Variants in ARID5B observed in about 807,000 individuals in gnomAD.
The protein encoded by ARID5B is AT-rich interaction domain 5B, also known as AT-rich interactive domain-containing protein 5B.
A neutral mutation model predicts 97.2 loss-of-function variants in ARID5B; 13 were observed. The ratio of observed to expected loss-of-function variants is 0.13; its 90% confidence interval spans 0.09 to 0.21. ARID5B has a LOEUF of 0.21. Among genes scored for constraint, ARID5B ranks in the 10% least tolerant of loss-of-function variants. ARID5B has a pLI of 1.00. For synonymous variants in ARID5B, 556 were observed against 570.3 expected (o/e 0.97, Z 0.36); for missense variants, 1,210 against 1,465.3 (o/e 0.83, Z 2.84).
chr10:62,056,454 G>T (rs561024401), intron 5 of ARID5B, among the ~76,000 whole-genome samples: 10 of 152,282 alleles, frequency 6.6e-5, no homozygotes, highest in African/African-American at 2.4e-4. Flanking sequence ...TGCTGGTATT[G>T]CTGATGCCAG....
intron 7 of ARID5B, among the ~76,000 whole-genome samples, chr10:62,059,622 C>G (rs1839897901): frequency 6.6e-6 from 1 of 152,154 alleles, no homozygotes; most frequent in African/African-American, 2.4e-5. Context: ...AGAAATTTCC[C>G]TTGGCAACAT....
chr10:61,998,861 T>G (rs988442217), intron 3 of ARID5B, among the ~76,000 whole-genome samples: 5 of 152,204 alleles, frequency 3.3e-5, no homozygotes, highest in Non-Finnish European at 7.3e-5. Context: ...GACCCCCAAA[T>G]CACCACTGCT....
intron 3 of ARID5B, among the ~76,000 whole-genome samples, chr10:61,954,484 T>G (rs1035305236): frequency 6.6e-6 from 1 of 152,216 alleles, no homozygotes; most frequent in Non-Finnish European, 1.5e-5. Context: ...TCTTAGATCA[T>G]GATTAACAGC....
rs558974041 is a variant in ARID5B at position 61,944,941 on chromosome 10, A to G, written c.502+4533A>G. Among the ~76,000 whole-genome samples the G allele has an allele frequency of 1.2e-4, 19 of 152,350 alleles. No homozygotes were observed. In the South Asian group the frequency reaches 3.9e-3, roughly 32 times the overall value. On this transcript the variant is annotated intron_variant, in intron 3 of 9. Coordinates refer to ENST00000279873, the MANE Select transcript of ARID5B (RefSeq NM_032199.3). ...TGTGGGGGTCTGGCTGAATTTAATGATGGGGGTTCCCTCAGTTCAATTTCT... is the reference window on the plus strand; with the variant it reads ...TGTGGGGGTCTGGCTGAATTTAATGGTGGGGGTTCCCTCAGTTCAATTTCT...
chr10:62,080,782 A>G (rs573200509), intron 8 of ARID5B, among the ~76,000 whole-genome samples: 2 of 151,956 alleles, frequency 1.3e-5, no homozygotes, highest in Non-Finnish European at 2.9e-5. Flanking sequence ...TTTCGTTGTT[A>G]CTACAAAAAA....
chr10:62,047,484 C>CA (rs1839725504), intron 4 of ARID5B, among the ~76,000 whole-genome samples: 1 of 152,136 alleles, frequency 6.6e-6, no homozygotes, highest in Admixed American at 6.5e-5. Flanking sequence ...GATATGCTAT[C>CA]AGTAAGGGTA....
At chr10:61,992,578 T>C (rs745719179) in intron 3 of ARID5B, among the ~76,000 whole-genome samples, 6 of 152,236 alleles carry the variant, frequency 3.9e-5, no homozygotes, top group Non-Finnish European at 8.8e-5. Context: ...TTTGCATCCA[T>C]GTACTGATAT....
intron 3 of ARID5B, among the ~76,000 whole-genome samples, chr10:61,970,900 T>A (rs1336517697): frequency 1.3e-5 from 2 of 152,160 alleles, no homozygotes; most frequent in Non-Finnish European, 2.9e-5. Context: ...TCAACAAAAG[T>A]AATTGTTTCC....
chr10:62,067,108 G>A (rs192984733), intron 7 of ARID5B, among the ~76,000 whole-genome samples: 65 of 150,808 alleles, frequency 4.3e-4, no homozygotes, highest in African/African-American at 1.4e-3. Flanking sequence ...TTTTTGAGAC[G>A]GAGTTTTGCT....
chr10:62,012,001 G>A (rs1839223944), intron 4 of ARID5B, among the ~76,000 whole-genome samples: 1 of 145,960 alleles, frequency 6.9e-6, no homozygotes, highest in Non-Finnish European at 1.5e-5. Context: ...ATTTCAAGGA[G>A]GGGAAAAAAA....
rs1379351906 is a variant in ARID5B at position 62,092,452 on chromosome 10, C to T, written c.2989C>T (p.Leu997=). ...GATGGAAGGCATGGTCCACCCAATCCTGCACCGGAAAATGAGCCCGCAGAA... is the reference window on the plus strand; with the variant it reads ...GATGGAAGGCATGGTCCACCCAATCTTGCACCGGAAAATGAGCCCGCAGAA... ...RKMEGMVHPI[L]HRKMSPQNIG... Residue 997 remains leucine (L), a synonymous_variant, in exon 10 of 10, where the codon CTG becomes TTG. Coordinates refer to ENST00000279873, the MANE Select transcript of ARID5B (RefSeq NM_032199.3). 1 of 1,614,220 alleles carries T rather than the reference C, an allele frequency of 6.2e-7. No individual in the cohort carries two copies. The highest frequency in any genetic ancestry group is 2.2e-5 in the East Asian group (1 of 44,888).
chr10:62,035,934 C>A (rs1420492699), intron 4 of ARID5B, among the ~76,000 whole-genome samples: 3 of 152,198 alleles, frequency 2.0e-5, no homozygotes, highest in East Asian at 1.9e-4. Context: ...AAGCAATTCT[C>A]CTGCCTCAGC....
At chr10:61,978,238 T>G (rs1420485591) in intron 3 of ARID5B, among the ~76,000 whole-genome samples, 9 of 152,366 alleles carry the variant, frequency 5.9e-5, no homozygotes, top group Middle Eastern at 3.4e-3. Flanking sequence ...TTGGTACCAG[T>G]ACCATGCTGT....
chr10:61,904,165 A>G (rs546243266), intron 2 of ARID5B, among the ~76,000 whole-genome samples: 70 of 150,676 alleles, frequency 4.6e-4, no homozygotes, highest in Admixed American at 3.6e-3. Context: ...TGTGATCTGG[A>G]AAAGGGAAGG....
chr10:62,055,857 C>G (rs549331925), intron 5 of ARID5B, among the ~76,000 whole-genome samples: 1 of 146,912 alleles, frequency 6.8e-6, no homozygotes, highest in South Asian at 2.2e-4. Context: ...CTTTTATGTT[C>G]TTAATGCTTA....
chr10:62,051,028 T>G, intron 5 of ARID5B, 28 bp downstream of exon 5: 168 of 1,563,954 alleles, frequency 1.1e-4, no homozygotes, highest in Non-Finnish European at 1.3e-4. Context: ...ACGGTATTCA[T>G]TTCGTTGCAT....
chr10:61,934,119 AAC>A (rs1436928560), intron 2 of ARID5B, among the ~76,000 whole-genome samples: 1 of 152,200 alleles, frequency 6.6e-6, no homozygotes, highest in Non-Finnish European at 1.5e-5. Flanking sequence ...TCTTTCCTTA[AAC>A]CTCATGAATC....
chr10:62,033,845 A>G (rs1349508961), intron 4 of ARID5B, among the ~76,000 whole-genome samples: 2 of 152,222 alleles, frequency 1.3e-5, no homozygotes, highest in African/African-American at 4.8e-5. Context: ...GGTTAAATTC[A>G]GCCCGGAGAG....
At chr10:62,027,285 CTTTTTTTTTTTTTTTTTTTTTTTTTTTT>C (rs777291593) in intron 4 of ARID5B, among the ~76,000 whole-genome samples, 3 of 67,370 alleles carry the variant, frequency 4.5e-5, no homozygotes, top group Non-Finnish European at 8.2e-5. Context: ...ACAGTATCTC[CTTTTTTTTTTTTTTTTTTTTTTTTTTTT>C]TTTTTTTTTT....
Sources: gnomAD v4.1 joint callset for allele counts (sites outside exome capture counted in the v4.1 genomes callset) on GRCh38, gnomAD v4.1.1 for gene constraint, MANE v1.5 for transcripts, NCBI Gene and HGNC (gene_info 2026-07-23, HGNC 2026-07-21) for gene names.